The following EZH1 variants were observed in gnomAD, a reference collection of about 807,000 sequenced individuals.
The protein encoded by EZH1 is enhancer of zeste 1 polycomb repressive complex 2 subunit, also known as histone-lysine N-methyltransferase EZH1.
EZH1 carries 33 observed loss-of-function variants against 100.5 expected under a neutral mutation model. That is an observed-to-expected ratio of 0.33 (90% CI 0.25 to 0.44). EZH1 has a LOEUF of 0.44. EZH1 is among the 20% of genes least tolerant of loss of function. The pLI is 1.00. For synonymous variants in EZH1, 272 were observed against 313.8 expected, an observed-to-expected ratio of 0.87 and a Z score of 1.41; for missense variants, 475 against 928.4, an observed-to-expected ratio of 0.51 and a Z score of 6.35.
intron 8 of EZH1, 32 bp downstream of exon 8, chr17:42,719,073 G>A: frequency 1.9e-6 from 3 of 1,543,482 alleles, no homozygotes; most frequent in Non-Finnish European, 2.7e-6. Context: ...CGAGCACTCT[G>A]TATATGGCCT....
chr17:42,720,019 A>G (rs1027594419), intron 7 of EZH1, among the ~76,000 whole-genome samples: 1 of 152,250 alleles, frequency 6.6e-6, no homozygotes, highest in Non-Finnish European at 1.5e-5. Context: ...ATATATATAA[A>G]TTGGCATGAT....
intron 11 of EZH1, among the ~76,000 whole-genome samples, chr17:42,712,771 C>T (rs1427972715): frequency 1.3e-5 from 2 of 152,162 alleles, no homozygotes; most frequent in African/African-American, 2.4e-5. Context: ...GGCAGGGTGG[C>T]TCACGCCTGT....
At chr17:42,733,797 T>C (rs2054006416) in intron 1 of EZH1, among the ~76,000 whole-genome samples, 2 of 149,028 alleles carry the variant, frequency 1.3e-5, no homozygotes, top group African/African-American at 5.0e-5. Context: ...AAAAATTAGC[T>C]AGGCATGGTG....
intron 12 of EZH1, among the ~76,000 whole-genome samples, 196 bp from the exon 13 acceptor site, chr17:42,710,133 A>G (rs2053447122): frequency 6.6e-6 from 1 of 152,002 alleles, no homozygotes; most frequent in African/African-American, 2.4e-5. Flanking sequence ...ATTTATCCTG[A>G]CTCAGGAAAG....
intron 1 of EZH1, among the ~76,000 whole-genome samples, chr17:42,738,907 G>A (rs912294363): frequency 2.0e-5 from 3 of 151,456 alleles, no homozygotes; most frequent in Non-Finnish European, 4.4e-5. Flanking sequence ...GACTATGCTC[G>A]CCACCAAGCC....
intron 7 of EZH1, 146 bp from the exon 8 acceptor site, chr17:42,719,353 T>A (rs949553066): frequency 1.5e-6 from 1 of 647,718 alleles, no homozygotes. Context: ...TATATAAACA[T>A]CAGTGCTATC....
chr17:42,704,547 CA>C (rs1159596673), intron 18 of EZH1, 54 bp downstream of exon 18: 5 of 1,458,514 alleles, frequency 3.4e-6, no homozygotes, highest in Admixed American at 3.8e-5. Flanking sequence ...GACTCCGTCT[CA>C]AAAAAAGAAA....
chr17:42,715,985 T>G (rs1160794513), intron 10 of EZH1, among the ~76,000 whole-genome samples: 2 of 150,038 alleles, frequency 1.3e-5, no homozygotes, highest in Non-Finnish European at 3.0e-5. Flanking sequence ...AGGTGGAGAT[T>G]GTGGTGAGCT....
At position 42,745,037 on chromosome 17, in the gene EZH1, T is replaced by A; in HGVS notation, c.-129A>T. Reference sequence around the variant, plus strand: ...CTCCATCCCGAGCCGCGGGTCCCGCTGCTAGGACGCATGCGCGCCGCGGCC... The same window carrying A: ...CTCCATCCCGAGCCGCGGGTCCCGCAGCTAGGACGCATGCGCGCCGCGGCC... On this transcript the variant is annotated 5_prime_UTR_variant, in exon 1 of 21. Coordinates refer to ENST00000428826, the MANE Select transcript of EZH1 (RefSeq NM_001991.5). The A allele has an allele frequency of 3.2e-6, 4 of 1,268,908 alleles. No individual in the cohort carries two copies. The highest frequency in any genetic ancestry group is 4.3e-4 in the Middle Eastern group (2 of 4,622). 78.6% of individuals were successfully genotyped at this position (1,268,908 alleles called of 1,614,324 possible).
At chr17:42,729,626 T>G (rs2053898490) in intron 2 of EZH1, among the ~76,000 whole-genome samples, 1 of 148,578 alleles carries the variant, frequency 6.7e-6, no homozygotes, top group African/African-American at 2.5e-5. Flanking sequence ...GTAATCCCAG[T>G]TATGTGGGAA....
chr17:42,705,370 C>T (rs1490595009), intron 16 of EZH1, among the ~76,000 whole-genome samples, 187 bp from the exon 17 acceptor site: 2 of 152,160 alleles, frequency 1.3e-5, no homozygotes, highest in Non-Finnish European at 2.9e-5. Context: ...GAGGTGGTGA[C>T]GAACGGAAAT....
intron 1 of EZH1, among the ~76,000 whole-genome samples, chr17:42,732,140 C>CAA (rs545837299): frequency 2.3e-5 from 3 of 132,320 alleles, no homozygotes; most frequent in Admixed American, 1.5e-4. Context: ...AAAACAAAAC[C>CAA]AAAAAAAAAA....
rs3785896 is a variant in EZH1 at position 42,719,553 on chromosome 17, A to G, written c.665-346T>C. Reference sequence around the variant, plus strand: ...GGAGTTTGAGACCAGCCTGGCCAACATGGTAAAACCCCAACTCTACTAAAA... The same window carrying G: ...GGAGTTTGAGACCAGCCTGGCCAACGTGGTAAAACCCCAACTCTACTAAAA... On this transcript the variant is annotated intron_variant, in intron 7 of 20. Transcript: ENST00000428826. 4.1e-4 allele frequency among the ~76,000 whole-genome samples: 62 copies of G among 152,318 alleles called. No homozygotes were observed. The East Asian group carries it at 0.01, about 26-fold the overall frequency.
intron 5 of EZH1, 93 bp from the exon 6 acceptor site, chr17:42,723,008 C>T: frequency 6.8e-7 from 1 of 1,464,150 alleles, no homozygotes. Context: ...TTGTTTGTTG[C>T]TTGAGTCTCC....
chr17:42,717,949 T>C (rs2053637825), intron 10 of EZH1, 27 bp downstream of exon 10: 1 of 1,607,620 alleles, frequency 6.2e-7, no homozygotes, highest in Admixed American at 1.7e-5. Flanking sequence ...ATGAAGTTAA[T>C]AATGCCAGAA....
chr17:42,732,596 G>A (rs1185880699), intron 1 of EZH1, among the ~76,000 whole-genome samples: 1 of 152,060 alleles, frequency 6.6e-6, no homozygotes, highest in Non-Finnish European at 1.5e-5. Flanking sequence ...GTGAAACCCC[G>A]TCTCTACTAA....
chr17:42,723,457 T>C (rs1331344832), intron 5 of EZH1, among the ~76,000 whole-genome samples: 1 of 151,886 alleles, frequency 6.6e-6, no homozygotes, highest in African/African-American at 2.4e-5. Context: ...GTAATTTAAC[T>C]ACAAAATAAA....
intron 1 of EZH1, among the ~76,000 whole-genome samples, chr17:42,736,505 G>C (rs1371278528): frequency 6.6e-6 from 1 of 152,160 alleles, no homozygotes; most frequent in Non-Finnish European, 1.5e-5. Context: ...GCCATGAATA[G>C]TTTCTATACA....
chr17:42,736,974 G>A lies in EZH1; in HGVS notation c.-102-6056C>T, dbSNP rs532653915. Among the ~76,000 whole-genome samples, 45 of 151,728 alleles carry A rather than the reference G, an allele frequency of 3.0e-4. No homozygotes were observed. The South Asian group carries it at 7.7e-3, about 26-fold the overall frequency. ...GCCAGTTGCAGAACAGGAACTCCCTGTACTAGCTTTACAATTTTTTTTTTT... is the reference window on the plus strand; with the variant it reads ...GCCAGTTGCAGAACAGGAACTCCCTATACTAGCTTTACAATTTTTTTTTTT... On this transcript the variant is annotated intron_variant, in intron 1 of 20. Transcript: ENST00000428826.
Sources: gnomAD v4.1 joint callset for allele counts (sites outside exome capture counted in the v4.1 genomes callset) on GRCh38, gnomAD v4.1.1 for gene constraint, MANE v1.5 for transcripts, NCBI Gene and HGNC (gene_info 2026-07-23, HGNC 2026-07-21) for gene names.